The following KCNQ3 variants were observed in gnomAD, a reference collection of about 807,000 sequenced individuals.
KCNQ3 encodes potassium voltage-gated channel subfamily KQT member 3.
KCNQ3 carries 30 observed loss-of-function variants against 92.5 expected under a neutral mutation model. The ratio of observed to expected loss-of-function variants is 0.32; its 90% confidence interval spans 0.24 to 0.44. The LOEUF is 0.44. Ranked by LOEUF, KCNQ3 falls within the 20% of genes least tolerant of loss-of-function variation. The pLI is 1.00. For missense variants in KCNQ3, 913 were observed against 1,140.3 expected (o/e 0.80, Z 2.87); for synonymous variants, 450 against 468.8 (o/e 0.96, Z 0.52).
chr8:132,449,755 TG>T (rs1821778589), intron 1 of KCNQ3, among the ~76,000 whole-genome samples: 2 of 152,100 alleles, frequency 1.3e-5, no homozygotes, highest in Admixed American at 6.6e-5. Flanking sequence ...GTGGGAGAGC[TG>T]GGGGCTACAT....
At chr8:132,324,639 C>T (rs1817988301) in intron 1 of KCNQ3, among the ~76,000 whole-genome samples, 1 of 152,208 alleles carries the variant, frequency 6.6e-6, no homozygotes, top group South Asian at 2.1e-4. Context: ...TTGTTGAGCA[C>T]ATACTATGTG....
intron 9 of KCNQ3, among the ~76,000 whole-genome samples, chr8:132,142,439 C>T (rs1023030510): frequency 6.6e-6 from 1 of 152,118 alleles, no homozygotes; most frequent in African/African-American, 2.4e-5. Flanking sequence ...GATGTTTATC[C>T]AGGATTCGGC....
At chr8:132,472,906 A>G (rs1265927396) in intron 1 of KCNQ3, among the ~76,000 whole-genome samples, 2 of 152,212 alleles carry the variant, frequency 1.3e-5, no homozygotes. Context: ...CCATCAATTT[A>G]AAAAATTTTA....
chr8:132,180,098 G>A (rs1586805919), intron 4 of KCNQ3, 59 bp downstream of exon 4: 2 of 1,573,262 alleles, frequency 1.3e-6, no homozygotes, highest in South Asian at 2.2e-5. Flanking sequence ...GGGATGTCAT[G>A]GAAGGGCATA....
intron 1 of KCNQ3, among the ~76,000 whole-genome samples, chr8:132,204,839 G>A (rs1216555721): frequency 6.6e-6 from 1 of 152,186 alleles, no homozygotes; most frequent in Non-Finnish European, 1.5e-5. Context: ...TGAAAAGCCA[G>A]CATCAGTAAA....
At chr8:132,460,736 A>AT (rs1331389629) in intron 1 of KCNQ3, among the ~76,000 whole-genome samples, 24 of 152,116 alleles carry the variant, frequency 1.6e-4, no homozygotes, top group Non-Finnish European at 1.5e-4. Flanking sequence ...CTCCTAAATA[A>AT]TTTTTTAAAT....
At chr8:132,263,925 G>A (rs1164495884) in intron 1 of KCNQ3, among the ~76,000 whole-genome samples, 2 of 152,172 alleles carry the variant, frequency 1.3e-5, no homozygotes, top group African/African-American at 4.8e-5. Context: ...TGTGACCCCA[G>A]CCTCTTTACT....
chr8:132,318,921 G>A (rs1817818060), intron 1 of KCNQ3, among the ~76,000 whole-genome samples: 1 of 152,202 alleles, frequency 6.6e-6, no homozygotes, highest in African/African-American at 2.4e-5. Context: ...CAACTGGAAT[G>A]TTAGTGCAGG....
intron 1 of KCNQ3, among the ~76,000 whole-genome samples, chr8:132,224,986 C>T: frequency 6.6e-6 from 1 of 152,156 alleles, no homozygotes; most frequent in Non-Finnish European, 1.5e-5. Flanking sequence ...CCCTTCCTTC[C>T]CTGTGCTTAC....
At chr8:132,342,921 C>G (rs1225387534) in intron 1 of KCNQ3, among the ~76,000 whole-genome samples, 1 of 152,156 alleles carries the variant, frequency 6.6e-6, no homozygotes, top group East Asian at 1.9e-4. Flanking sequence ...GCACTATAAA[C>G]ACATTTTCTT....
intron 9 of KCNQ3, among the ~76,000 whole-genome samples, chr8:132,162,765 A>C (rs1826028508): frequency 6.6e-6 from 1 of 152,178 alleles, no homozygotes; most frequent in South Asian, 2.1e-4. Context: ...TGGCCTCCCA[A>C]AGGCCACTGT....
At chr8:132,221,844 G>A (rs1814248926) in intron 1 of KCNQ3, among the ~76,000 whole-genome samples, 1 of 152,086 alleles carries the variant, frequency 6.6e-6, no homozygotes, top group African/African-American at 2.4e-5. Flanking sequence ...AAACAGTGCT[G>A]GGAAAACTGG....
intron 1 of KCNQ3, among the ~76,000 whole-genome samples, chr8:132,228,141 T>C (rs569287662): frequency 6.6e-6 from 1 of 152,344 alleles, no homozygotes; most frequent in Non-Finnish European, 1.5e-5. Context: ...TATTAATTTG[T>C]CATAGATGTA....
intron 1 of KCNQ3, among the ~76,000 whole-genome samples, chr8:132,404,396 T>C (rs1419634065): frequency 6.6e-6 from 1 of 152,190 alleles, no homozygotes; most frequent in African/African-American, 2.4e-5. Context: ...AAGGCTAATT[T>C]ATAGAGGTGA....
intron 1 of KCNQ3, among the ~76,000 whole-genome samples, chr8:132,384,481 T>A (rs1819840525): frequency 1.3e-5 from 2 of 152,070 alleles, no homozygotes; most frequent in Non-Finnish European, 2.9e-5. Flanking sequence ...GATAAAAGAA[T>A]CAGAGGGCCC....
intron 1 of KCNQ3, among the ~76,000 whole-genome samples, chr8:132,439,754 T>C (rs988801888): frequency 2.0e-5 from 3 of 152,132 alleles, no homozygotes; most frequent in African/African-American, 7.2e-5. Context: ...ACAGGTTCTC[T>C]CCAGAGTCCA....
At chr8:132,239,833 T>C (rs1228407088) in intron 1 of KCNQ3, among the ~76,000 whole-genome samples, 1 of 152,220 alleles carries the variant, frequency 6.6e-6, no homozygotes, top group Non-Finnish European at 1.5e-5. Context: ...CCAGTTTCTA[T>C]GTTCGGAGAA....
At chr8:132,431,971 C>G (rs1436171220) in intron 1 of KCNQ3, among the ~76,000 whole-genome samples, 5 of 152,180 alleles carry the variant, frequency 3.3e-5, no homozygotes, top group African/African-American at 1.2e-4. Context: ...CCTCACAGCT[C>G]TAGGCATCAA....
intron 1 of KCNQ3, among the ~76,000 whole-genome samples, chr8:132,348,951 C>T (rs1431721851): frequency 1.3e-5 from 2 of 152,210 alleles, no homozygotes; most frequent in Non-Finnish European, 2.9e-5. Flanking sequence ...CGGGGCCCAC[C>T]TATCACTAGC....
Sources: allele counts gnomAD v4.1 joint callset (sites outside exome capture counted in the v4.1 genomes callset), GRCh38; gene constraint gnomAD v4.1.1; transcripts MANE v1.5; gene names NCBI Gene and HGNC (gene_info 2026-07-23, HGNC 2026-07-21).